SAMSN1: variants seen among roughly 807,000 people sequenced by gnomAD.
The protein encoded by SAMSN1 is SAM domain, SH3 domain and nuclear localization signals 1.
A neutral mutation model predicts 42.0 loss-of-function variants in SAMSN1; 31 were observed. The observed-to-expected ratio is 0.74, with a 90% CI of 0.55 to 1.00. The LOEUF is 1.00. Ranked by LOEUF, SAMSN1 falls within the 50% of genes least tolerant of loss-of-function variation. The pLI is 0.00. For missense variants in SAMSN1, 464 were observed against 439.4 expected (o/e 1.06, Z -0.50); for synonymous variants, 178 against 151.9 (o/e 1.17, Z -1.26).
intron 1 of SAMSN1, among the ~76,000 whole-genome samples, chr21:14,532,902 T>G (rs1024808434): frequency 2.0e-5 from 3 of 147,288 alleles, no homozygotes; most frequent in Non-Finnish European, 4.4e-5. Context: ...ATTACTTTTA[T>G]TATTTATTTA....
chr21:14,561,159 A>G (rs1171144061), intron 2 of SAMSN1, among the ~76,000 whole-genome samples: 1 of 152,014 alleles, frequency 6.6e-6, no homozygotes, highest in Non-Finnish European at 1.5e-5. Flanking sequence ...ACGCTGCCCC[A>G]CCCAGACTCA....
In SAMSN1 at chr21:14,520,805, A is replaced by T. The variant is rs559612250; in HGVS notation, c.129+345T>A. Among the ~76,000 whole-genome samples the T allele has an allele frequency of 8.6e-5, 13 of 151,970 alleles. No homozygotes were observed. The East Asian group carries it at 2.5e-3, about 29-fold the overall frequency. The stretch of plus-strand genomic sequence containing the variant: ...GAGGAGCCTGGCCTCTTTTGTTGTT[A>T]TGTGGTAGCCTGGGATTCAATCTGT... On this transcript the variant is annotated intron_variant, in intron 2 of 7. Transcript: ENST00000400566.
intron 7 of SAMSN1, among the ~76,000 whole-genome samples, chr21:14,494,008 A>G (rs1986805240): frequency 6.6e-6 from 1 of 152,200 alleles, no homozygotes; most frequent in Non-Finnish European, 1.5e-5. Flanking sequence ...GCAGTGACCT[A>G]GATACCATCT....
intron 1 of SAMSN1, among the ~76,000 whole-genome samples, chr21:14,534,592 T>G (rs1464353790): frequency 6.6e-6 from 1 of 151,692 alleles, no homozygotes; most frequent in East Asian, 1.9e-4. Context: ...CTCGGCTCAC[T>G]GCAAGCTCCG....
At chr21:14,610,951 C>T (rs186273530) in intron 4 of SAMSN1, among the ~76,000 whole-genome samples, 77 of 152,266 alleles carry the variant, frequency 5.1e-4, no homozygotes, top group Non-Finnish European at 4.1e-4. Flanking sequence ...TCTGAGACAG[C>T]GTCTTACTCT....
At chr21:14,634,460 A>C (rs1983414872) in intron 2 of SAMSN1, among the ~76,000 whole-genome samples, 1 of 152,162 alleles carries the variant, frequency 6.6e-6, no homozygotes, top group Admixed American at 6.5e-5. Flanking sequence ...ACTTAAACAA[A>C]TTTCCAAGAA....
intron 1 of SAMSN1, among the ~76,000 whole-genome samples, chr21:14,521,675 C>T (rs568381277): frequency 5.3e-5 from 8 of 152,078 alleles, no homozygotes; most frequent in African/African-American, 1.4e-4. Flanking sequence ...TTACGCCTCA[C>T]AAAGATCAAG....
intron 2 of SAMSN1, among the ~76,000 whole-genome samples, chr21:14,620,859 T>A (rs1304619001): frequency 1.3e-5 from 2 of 152,214 alleles, no homozygotes; most frequent in East Asian, 3.8e-4. Flanking sequence ...TACAAACACA[T>A]ATGTAAATAT....
chr21:14,645,467 C>A (rs564093469), intron 1 of SAMSN1, among the ~76,000 whole-genome samples: 57 of 152,354 alleles, frequency 3.7e-4, no homozygotes, highest in African/African-American at 1.3e-3. Flanking sequence ...CTTGGGATAT[C>A]CCCTAAAGCA....
At chr21:14,559,952 C>T (rs944922493) in intron 2 of SAMSN1, among the ~76,000 whole-genome samples, 6 of 152,138 alleles carry the variant, frequency 3.9e-5, no homozygotes, top group Non-Finnish European at 8.8e-5. Flanking sequence ...ATTTGTTTAA[C>T]AATTATTTAC....
At chr21:14,517,458 G>T (rs1987967842) in intron 2 of SAMSN1, among the ~76,000 whole-genome samples, 1 of 152,148 alleles carries the variant, frequency 6.6e-6, no homozygotes, top group Non-Finnish European at 1.5e-5. Flanking sequence ...ATCTATCTGT[G>T]TTGAATAGGC....
intron 2 of SAMSN1, among the ~76,000 whole-genome samples, chr21:14,622,189 G>C (rs1056604467): frequency 3.3e-5 from 5 of 152,200 alleles, no homozygotes; most frequent in African/African-American, 1.2e-4. Context: ...CAGCAGAAAA[G>C]CTGAAAATTC....
intron 1 of SAMSN1, among the ~76,000 whole-genome samples, chr21:14,545,241 T>C (rs539991294): frequency 8.1e-4 from 123 of 152,268 alleles, no homozygotes; most frequent in African/African-American, 2.7e-3. Flanking sequence ...ATATTGACCA[T>C]TGTTCAATGT....
At chr21:14,657,809 T>C (rs143824414) in intron 1 of SAMSN1, among the ~76,000 whole-genome samples, 8 of 151,994 alleles carry the variant, frequency 5.3e-5, no homozygotes, top group Admixed American at 4.6e-4. Flanking sequence ...CAACTCATAA[T>C]TGCATTTTAT....
At chr21:14,580,426 G>A (rs927696963) in intron 2 of SAMSN1, among the ~76,000 whole-genome samples, 5 of 152,186 alleles carry the variant, frequency 3.3e-5, no homozygotes, top group African/African-American at 7.2e-5. Flanking sequence ...TTAGCCACTT[G>A]CCAAGGAGTC....
intron 1 of SAMSN1, among the ~76,000 whole-genome samples, chr21:14,532,120 C>G (rs1399062677): frequency 6.6e-6 from 1 of 152,172 alleles, no homozygotes; most frequent in Non-Finnish European, 1.5e-5. Context: ...TCCAGCAGAG[C>G]TCGACCATTA....
rs1374588567 is a variant in SAMSN1, at chr21:14,645,672, G to T, written c.25-2539C>A. ...GACCTCACCAACTAAACTAAATAAGGCACCAGGGACCAATCCTGGAGAAAG... is the reference window on the plus strand; with the variant it reads ...GACCTCACCAACTAAACTAAATAAGTCACCAGGGACCAATCCTGGAGAAAG... On this transcript the variant is annotated intron_variant, in intron 1 of 15. Transcript: ENST00000647101. Among the ~76,000 whole-genome samples the T allele has an allele frequency of 2.0e-5, 3 of 152,168 alleles. No individual in the cohort carries two copies. In the East Asian group the frequency reaches 5.8e-4, roughly 29 times the overall value.
intron 2 of SAMSN1, among the ~76,000 whole-genome samples, chr21:14,622,444 A>C (rs919880088): frequency 7.9e-5 from 12 of 152,260 alleles, no homozygotes; most frequent in Non-Finnish European, 1.8e-4. Flanking sequence ...GATGGAGCTG[A>C]AAACCATGGT....
At chr21:14,592,578 A>C (rs2123275958) in intron 7 of SAMSN1, 1 of 318,824 alleles carries the variant, frequency 3.1e-6, no homozygotes, top group East Asian at 9.2e-5. Flanking sequence ...TTCCTCAAAT[A>C]TCCTTGGGGA....
Sources: allele counts gnomAD v4.1 joint callset (sites outside exome capture counted in the v4.1 genomes callset), GRCh38; gene constraint gnomAD v4.1.1; transcripts MANE v1.5; gene names NCBI Gene and HGNC (gene_info 2026-07-23, HGNC 2026-07-21).